The following PDE8B variants were observed in gnomAD, a reference collection of about 807,000 sequenced individuals.
PDE8B encodes the protein high affinity cAMP-specific and IBMX-insensitive 3',5'-cyclic phosphodiesterase 8B.
PDE8B carries 26 observed loss-of-function variants against 101.3 expected under a neutral mutation model. The observed-to-expected ratio is 0.26, with a 90% confidence interval of 0.19 to 0.36. PDE8B has a LOEUF of 0.36. PDE8B is among the 10% of genes least tolerant of loss of function. The pLI is 1.00. For synonymous variants in PDE8B, 424 were observed against 429.3 expected (o/e 0.99, Z 0.15); for missense variants, 810 against 1,163.1 (o/e 0.70, Z 4.42).
chr5:77,417,621 C>T (rs1348864328), intron 17 of PDE8B, among the ~76,000 whole-genome samples: 3 of 152,166 alleles, frequency 2.0e-5, no homozygotes, highest in African/African-American at 4.8e-5. Flanking sequence ...TGAGAGCTTT[C>T]GAATTAGGGT....
At chr5:77,164,651 C>T in the PDE8B span, among the ~76,000 whole-genome samples, 3 of 152,174 alleles carry the variant, frequency 2.0e-5, no homozygotes, top group Non-Finnish European at 2.9e-5. Flanking sequence ...TCAGAACCCA[C>T]CCCCAACTCT....
chr5:77,353,008 TCAG>T (rs1781449170), intron 9 of PDE8B, among the ~76,000 whole-genome samples: 2 of 152,358 alleles, frequency 1.3e-5, no homozygotes, highest in South Asian at 4.1e-4. Context: ...ATTATTAGTA[TCAG>T]CAGAATTAAA....
chr5:77,407,504 C>T (rs528851414), intron 13 of PDE8B, 47 bp downstream of exon 13: 2 of 1,316,142 alleles, frequency 1.5e-6, no homozygotes, highest in Admixed American at 3.3e-5. Context: ...GGCCCTCACA[C>T]AGGGCCGTGC....
At chr5:77,148,815 C>T in the PDE8B span, among the ~76,000 whole-genome samples, 1 of 151,832 alleles carries the variant, frequency 6.6e-6, no homozygotes, top group African/African-American at 2.4e-5. Context: ...ATTTTCTCAA[C>T]CTAGAGCTTG....
intron 2 of PDE8B, among the ~76,000 whole-genome samples, chr5:77,322,505 C>G (rs749025672): frequency 5.3e-5 from 8 of 152,146 alleles, no homozygotes; most frequent in Non-Finnish European, 1.0e-4. Flanking sequence ...CTGACCTGCT[C>G]CCACCCTTTT....
chr5:77,333,801 T>C (rs1184184437), intron 5 of PDE8B, among the ~76,000 whole-genome samples: 1 of 152,222 alleles, frequency 6.6e-6, no homozygotes, highest in African/African-American at 2.4e-5. Context: ...AACCTGTCCA[T>C]GGGGCTCTGG....
chr5:77,126,839 A>G, the PDE8B span, among the ~76,000 whole-genome samples: 2 of 152,256 alleles, frequency 1.3e-5, no homozygotes, highest in East Asian at 3.8e-4. Flanking sequence ...AAAAATAAAT[A>G]TCTTTAATAT....
chr5:77,296,416 C>T (rs1332550681), intron 1 of PDE8B, among the ~76,000 whole-genome samples: 4 of 152,042 alleles, frequency 2.6e-5, no homozygotes, highest in Admixed American at 6.6e-5. Flanking sequence ...TATACACCAC[C>T]GTGCCTGGCT....
At position 77,325,543 on chromosome 5, in the gene PDE8B, TG is replaced by T; in HGVS notation, c.405del (p.Leu135PhefsTer2). The T allele has an allele frequency of 6.2e-7, 1 of 1,613,974 alleles. No homozygotes were observed. Among genetic ancestry groups the T allele is most frequent in the Non-Finnish European group, 8.5e-7 (1 of 1,179,828 alleles). ...MRLTQDPIQV[L>X]LIFAKEDSQS... ...GCCCTTTTTGTTGTGTTTCAGGTTT[TG>T]CTGATCTTTGCAAAGGAAGATAGTC... On this transcript the variant is annotated frameshift_variant, in exon 3 of 22. Transcript: ENST00000264917. LOFTEE classifies it high-confidence loss of function.
intron 12 of PDE8B, among the ~76,000 whole-genome samples, chr5:77,405,985 G>A (rs1019275142): frequency 6.6e-6 from 1 of 152,178 alleles, no homozygotes; most frequent in Non-Finnish European, 1.5e-5. Context: ...GGAAGACTGA[G>A]TATGAAAGTG....
chr5:77,339,322 A>G (rs1032598542), intron 6 of PDE8B, among the ~76,000 whole-genome samples: 5 of 152,182 alleles, frequency 3.3e-5, no homozygotes, highest in African/African-American at 1.2e-4. Flanking sequence ...TGACCCACGA[A>G]GGTAGTGGCC....
chr5:77,240,985 A>G (rs374918491), intron 1 of PDE8B, among the ~76,000 whole-genome samples: 1 of 152,254 alleles, frequency 6.6e-6, no homozygotes, highest in Non-Finnish European at 1.5e-5. Context: ...TTTTAGTAAC[A>G]CATAGTGAAT....
chr5:77,256,107 T>C (rs1246464943), intron 1 of PDE8B, among the ~76,000 whole-genome samples: 5 of 152,234 alleles, frequency 3.3e-5, no homozygotes, highest in Non-Finnish European at 7.3e-5. Flanking sequence ...CTTATTTCTT[T>C]TAATTTGCTT....
At chr5:77,338,646 C>T (rs1778616096) in intron 6 of PDE8B, among the ~76,000 whole-genome samples, 1 of 152,098 alleles carries the variant, frequency 6.6e-6, no homozygotes, top group Non-Finnish European at 1.5e-5. Flanking sequence ...TAATTTATGC[C>T]TTTTAATAAT....
chr5:77,311,092 A>G (rs903420199), intron 1 of PDE8B, among the ~76,000 whole-genome samples: 1 of 152,106 alleles, frequency 6.6e-6, no homozygotes, highest in Admixed American at 6.6e-5. Context: ...AGGGGCCAGT[A>G]CAGAGTGTGG....
chr5:77,263,814 C>T (rs886245312), intron 1 of PDE8B, among the ~76,000 whole-genome samples: 2 of 152,032 alleles, frequency 1.3e-5, no homozygotes, highest in East Asian at 1.9e-4. Flanking sequence ...TACAGTTCAC[C>T]CCTTTAAAGC....
chr5:77,312,040 A>T lies in PDE8B; in HGVS notation c.386A>T (p.Gln129Leu), dbSNP rs1269690144. The part of the protein sequence containing the change: ...EVRIGPMRLT[Q>L]DPIQVLLIFA... ...CGCATCGGGCCCATGAGACTGACGC[A>T]GGACCCTATTCAGGTACGCCTCCTT... Residue 129 changes from glutamine (Q) to leucine (L), a missense_variant, in exon 2 of 22, where the codon CAG becomes CTG. This residue lies in a region of PDE8B where 251 missense variants were observed against 378.8 expected (regional missense o/e 0.66). Coordinates refer to ENST00000264917, the MANE Select transcript of PDE8B (RefSeq NM_003719.5). 6.2e-7 allele frequency: 1 copy of T among 1,611,418 alleles called. No individual in the cohort carries two copies. The highest frequency in any genetic ancestry group is 8.5e-7 in the Non-Finnish European group (1 of 1,177,926).
chr5:77,294,776 G>A (rs1768144892), intron 1 of PDE8B, among the ~76,000 whole-genome samples: 1 of 149,972 alleles, frequency 6.7e-6, no homozygotes, highest in Non-Finnish European at 1.5e-5. Flanking sequence ...AAATAAAGAA[G>A]ACAAGAAACT....
At chr5:77,111,309 A>T in the PDE8B span, among the ~76,000 whole-genome samples, 5 of 152,306 alleles carry the variant, frequency 3.3e-5, no homozygotes, top group South Asian at 4.1e-4. Flanking sequence ...GCTAGGTATT[A>T]GCTTACTCGG....
Sources: allele counts gnomAD v4.1 joint callset (sites outside exome capture counted in the v4.1 genomes callset), GRCh38; gene constraint gnomAD v4.1.1; regional missense constraint gnomAD v4.1.1; transcripts MANE v1.5; gene names NCBI Gene and HGNC (gene_info 2026-07-23, HGNC 2026-07-21).